The following EPM2A variants were observed in gnomAD, a reference collection of about 807,000 sequenced individuals.
EPM2A encodes the protein EPM2A glucan phosphatase, laforin, also known as laforin.
Under a neutral mutation model 26.5 loss-of-function variants are expected in EPM2A, and 21 were observed. The ratio of observed to expected loss-of-function variants is 0.79; its 90% CI spans 0.56 to 1.14. The LOEUF is 1.14. EPM2A is among the 50% of genes most tolerant of loss of function. EPM2A has a pLI of 0.00. For missense variants in EPM2A, 458 were observed against 440.8 expected (o/e 1.04, Z -0.35); for synonymous variants, 217 against 177.6 (o/e 1.22, Z -1.76).
chr6:145,483,017 C>T (rs559477089), intron 4 of EPM2A, among the ~76,000 whole-genome samples: 1 of 152,044 alleles, frequency 6.6e-6, no homozygotes, highest in Non-Finnish European at 1.5e-5. Context: ...ATTATTCTCT[C>T]AGTTAACGTA....
At position 145,596,877 on chromosome 6, in the gene EPM2A, C is replaced by CTTT. The variant is rs869211299; in HGVS notation, c.340+38365_340+38367dup. Among the ~76,000 whole-genome samples the CTTT allele has an allele frequency of 2.7e-3, 199 of 73,528 alleles. 21 individuals are homozygous for CTTT. Among genetic ancestry groups the CTTT allele is most frequent in the African/African-American group, 9.1e-3 (154 of 16,920 alleles). The allele number at this position is 73,528 out of a possible 152,430, so 48.2% of individuals were successfully genotyped here. ...ACGTTGTATATGCTCTCTCCGAGAT[C>CTTT]TTTTTTTTTTTTTTTTTTTTTTTTT... On this transcript the variant is annotated intron_variant, in intron 2 of 3. Transcript: ENST00000450221.
At chr6:145,650,419 G>A (rs1229269428) in intron 2 of EPM2A, among the ~76,000 whole-genome samples, 1 of 151,988 alleles carries the variant, frequency 6.6e-6, no homozygotes, top group Non-Finnish European at 1.5e-5. Flanking sequence ...GGGTGTGGTG[G>A]CACATGCGGG....
At chr6:145,596,298 C>T (rs765306925) in intron 2 of EPM2A, among the ~76,000 whole-genome samples, 34 of 152,078 alleles carry the variant, frequency 2.2e-4, no homozygotes, top group Non-Finnish European at 4.3e-4. Flanking sequence ...ATAAAATTTG[C>T]TAACTTCCCA....
At chr6:145,636,961 A>G (rs1327534260) in intron 2 of EPM2A, 1 of 151,798 alleles carries the variant, frequency 6.6e-6, no homozygotes, top group Non-Finnish European at 1.5e-5. Flanking sequence ...AAGATTTCGT[A>G]TAACATTTAG....
At chr6:145,674,280 C>A (rs974048382) in intron 2 of EPM2A, among the ~76,000 whole-genome samples, 4 of 152,010 alleles carry the variant, frequency 2.6e-5, no homozygotes, top group Non-Finnish European at 5.9e-5. Context: ...TACACCAAAC[C>A]CCACCTGTAG....
chr6:145,545,499 A>C (rs900316294), intron 2 of EPM2A, among the ~76,000 whole-genome samples: 1 of 152,204 alleles, frequency 6.6e-6, no homozygotes, highest in Admixed American at 6.5e-5. Context: ...CAAAGTCACA[A>C]AAGTAAGGAT....
At chr6:145,389,804 C>T (rs1328057956) in intron 4 of EPM2A, among the ~76,000 whole-genome samples, 1 of 152,148 alleles carries the variant, frequency 6.6e-6, no homozygotes, top group Non-Finnish European at 1.5e-5. Flanking sequence ...AACCTGGACC[C>T]TCCTCCCCAA....
At chr6:145,499,285 G>A (rs1349516446), downstream of EPM2A, among the ~76,000 whole-genome samples, 2 of 152,072 alleles carry the variant, frequency 1.3e-5, no homozygotes, top group Non-Finnish European at 2.9e-5. Context: ...TTCCAATTAA[G>A]TTGATATTTT....
At chr6:145,497,475 G>A (rs564872575), downstream of EPM2A, among the ~76,000 whole-genome samples, 40 of 152,314 alleles carry the variant, frequency 2.6e-4, no homozygotes, top group Admixed American at 3.9e-4. Flanking sequence ...GCAGGAGGTC[G>A]CTGGAGACCC....
intron 2 of EPM2A, among the ~76,000 whole-genome samples, chr6:145,569,854 C>CAT (rs3063869): frequency 0.36 from 53,855 of 150,746 alleles, 9,930 homozygotes; most frequent in South Asian, 0.51. Flanking sequence ...ATGGAATATA[C>CAT]ATATATATAT....
At chr6:145,432,118 C>T (rs554939704) in intron 4 of EPM2A, among the ~76,000 whole-genome samples, 1 of 152,322 alleles carries the variant, frequency 6.6e-6, no homozygotes, top group South Asian at 2.1e-4. Flanking sequence ...ACCACACCTA[C>T]AGTTGCTTTC....
At chr6:145,617,898 G>A (rs1220028523) in intron 2 of EPM2A, among the ~76,000 whole-genome samples, 4 of 152,080 alleles carry the variant, frequency 2.6e-5, no homozygotes, top group African/African-American at 4.8e-5. Context: ...AGCTGTTATC[G>A]CACCACTGTA....
At chr6:145,531,962 C>T (rs1395768659) in intron 2 of EPM2A, among the ~76,000 whole-genome samples, 4 of 152,166 alleles carry the variant, frequency 2.6e-5, no homozygotes, top group African/African-American at 4.8e-5. Flanking sequence ...TCTAACAATG[C>T]GACTGCTTGG....
intron 2 of EPM2A, among the ~76,000 whole-genome samples, chr6:145,667,451 A>G (rs1779290593): frequency 6.8e-6 from 1 of 146,568 alleles, no homozygotes; most frequent in African/African-American, 2.7e-5. Context: ...AATGCAAATC[A>G]AAACCACAAT....
At chr6:145,690,234 G>C (rs1781187630) in intron 1 of EPM2A, among the ~76,000 whole-genome samples, 1 of 152,074 alleles carries the variant, frequency 6.6e-6, no homozygotes, top group African/African-American at 2.4e-5. Context: ...CCTCAGGCCG[G>C]GCACGGTGGC....
intron 2 of EPM2A, among the ~76,000 whole-genome samples, chr6:145,658,710 T>G (rs1378623933): frequency 1.3e-5 from 2 of 152,212 alleles, no homozygotes; most frequent in African/African-American, 4.8e-5. Context: ...CTTGCTTTTA[T>G]AAGTTAAAGT....
rs140352555 is a variant in EPM2A at position 145,698,112 on chromosome 6, C to T, written c.302-11816G>A. Among the ~76,000 whole-genome samples, 625 of 152,214 alleles carry T rather than the reference C, an allele frequency of 4.1e-3. 17 individuals carry two copies. In the East Asian group the frequency reaches 0.07, roughly 17 times the overall value. On this transcript the variant is annotated intron_variant, in intron 1 of 3. Transcript: ENST00000367519. ...AAATGTCCATGAAATCTTCACAATC[C>T]ACGTTCTTCTGCCATGGCTTCAGCC...
intron 4 of EPM2A, among the ~76,000 whole-genome samples, chr6:145,421,220 G>A (rs183320875): frequency 5.3e-5 from 8 of 152,194 alleles, no homozygotes; most frequent in Admixed American, 5.2e-4. Flanking sequence ...ATGATATGCT[G>A]TAAATAGACA....
chr6:145,663,612 T>A (rs1354914359), intron 2 of EPM2A, among the ~76,000 whole-genome samples: 2 of 151,352 alleles, frequency 1.3e-5, no homozygotes, highest in Non-Finnish European at 2.9e-5. Context: ...CCAGGAGAAC[T>A]TCCCCAATCT....
Sources: gnomAD v4.1 joint callset for allele counts (sites outside exome capture counted in the v4.1 genomes callset) on GRCh38, gnomAD v4.1.1 for gene constraint, MANE v1.5 for transcripts, NCBI Gene and HGNC (gene_info 2026-07-23, HGNC 2026-07-21) for gene names.